HNRNPC: variants seen among roughly 807,000 people sequenced by gnomAD.
HNRNPC encodes the protein heterogeneous nuclear ribonucleoproteins C1/C2.
A neutral mutation model predicts 33.2 loss-of-function variants in HNRNPC; 3 were observed. That is an observed-to-expected ratio of 0.09 (90% CI 0.04 to 0.23). The LOEUF (loss-of-function observed/expected upper bound fraction) is 0.23, where lower values mean the gene tolerates loss of function less well. HNRNPC is among the 10% of genes least tolerant of loss of function. The pLI, the probability that HNRNPC is intolerant of heterozygous loss-of-function variation, is 1.00. For missense variants in HNRNPC, 143 were observed against 366.7 expected (o/e 0.39, Z 4.98); for synonymous variants, 121 against 126.7 (o/e 0.96, Z 0.30).
chr14:21,232,292 ACT>A (rs1218940961), intron 3 of HNRNPC, among the ~76,000 whole-genome samples: 4 of 152,126 alleles, frequency 2.6e-5, no homozygotes, highest in African/African-American at 9.7e-5. Context: ...TTTCATATAT[ACT>A]GCTTTTATTA....
intron 5 of HNRNPC, among the ~76,000 whole-genome samples, chr14:21,214,341 T>C (rs1891927496): frequency 6.6e-6 from 1 of 152,226 alleles, no homozygotes; most frequent in Non-Finnish European, 1.5e-5. Context: ...AATCTTCCTG[T>C]AGTGAAAACA....
chr14:21,235,994 T>C (rs913993256), intron 2 of HNRNPC, among the ~76,000 whole-genome samples: 7 of 152,132 alleles, frequency 4.6e-5, no homozygotes, highest in Non-Finnish European at 5.9e-5. Context: ...GGGGTACCCT[T>C]TGGAATAAGA....
chr14:21,211,599 C>A, intron 7 of HNRNPC, 33 bp from the exon 8 acceptor site: 1 of 1,583,732 alleles, frequency 6.3e-7, no homozygotes, highest in Non-Finnish European at 8.6e-7. Context: ...TGTCTAGGGG[C>A]AGTAATGTCC....
At chr14:21,229,440 T>C (rs921152402) in intron 5 of HNRNPC, among the ~76,000 whole-genome samples, 2 of 152,154 alleles carry the variant, frequency 1.3e-5, no homozygotes, top group African/African-American at 4.8e-5. Context: ...GATGCATTAA[T>C]GATGCTCAAC....
At chr14:21,268,387 A>G (rs1355597394) in intron 1 of HNRNPC, among the ~76,000 whole-genome samples, 6 of 152,218 alleles carry the variant, frequency 3.9e-5, no homozygotes, top group Admixed American at 6.5e-5. Context: ...ATTTTTCTTA[A>G]GCGCAATTTG....
intron 2 of HNRNPC, among the ~76,000 whole-genome samples, chr14:21,253,450 A>G (rs1407708519): frequency 7.9e-6 from 1 of 126,176 alleles, no homozygotes; most frequent in East Asian, 2.3e-4. Flanking sequence ...TCCAACCTCT[A>G]GACTCCATCT....
At chr14:21,214,456 AG>A (rs1206208586) in intron 5 of HNRNPC, among the ~76,000 whole-genome samples, 1 of 152,234 alleles carries the variant, frequency 6.6e-6, no homozygotes, top group African/African-American at 2.4e-5. Flanking sequence ...GGCTATGGAC[AG>A]GAACATTTTC....
chr14:21,263,398 A>C (rs974024488), intron 1 of HNRNPC, 62 bp from the exon 2 acceptor site: 6 of 152,546 alleles, frequency 3.9e-5, no homozygotes, highest in African/African-American at 1.4e-4. Flanking sequence ...AAAAATGTCA[A>C]GTCAGTAAAG....
At chr14:21,262,576 T>A (rs1425826663) in intron 2 of HNRNPC, 1 of 152,250 alleles carries the variant, frequency 6.6e-6, no homozygotes, top group Non-Finnish European at 1.5e-5. Context: ...TTGTAATGAA[T>A]CCAAGTGGAC....
At chr14:21,216,898 C>T (rs1007202199) in intron 5 of HNRNPC, among the ~76,000 whole-genome samples, 5 of 151,992 alleles carry the variant, frequency 3.3e-5, no homozygotes, top group South Asian at 2.1e-4. Flanking sequence ...AAATTGTGAC[C>T]GAAAACAATA....
At chr14:21,264,618 CA>C (rs1485565877) in intron 1 of HNRNPC, 2 of 152,156 alleles carry the variant, frequency 1.3e-5, no homozygotes, top group Non-Finnish European at 2.9e-5. Flanking sequence ...GTTGTTTCAT[CA>C]GCTAAAATAG....
chr14:21,231,539 C>T (rs984583660), intron 3 of HNRNPC: 4 of 384,890 alleles, frequency 1.0e-5, no homozygotes, highest in Non-Finnish European at 2.1e-5. Flanking sequence ...CTTGGGGTCA[C>T]GTGATCTGCC....
intron 1 of HNRNPC, 184 bp from the exon 2 acceptor site, chr14:21,263,520 A>C (rs1483234724): frequency 1.3e-5 from 2 of 152,148 alleles, no homozygotes; most frequent in African/African-American, 4.8e-5. Context: ...TTAAAAATAC[A>C]CGAGGAAGTA....
chr14:21,233,926 A>G, intron 3 of HNRNPC, 27 bp downstream of exon 3: 1 of 1,609,392 alleles, frequency 6.2e-7, no homozygotes, highest in Non-Finnish European at 8.5e-7. Context: ...GGCCTGAATT[A>G]CATCATCAAT....
Position 21,209,215 on chromosome 14 carries a change from A to T in HNRNPC, c.*2008T>A, listed in dbSNP as rs1891393691. 1 of 152,238 alleles carries T rather than the reference A, an allele frequency of 6.6e-6. No homozygotes were observed. Among genetic ancestry groups the T allele is most frequent in the Non-Finnish European group, 1.5e-5 (1 of 68,030 alleles). 9.4% of individuals were successfully genotyped at this position (152,238 alleles called of 1,614,324 possible). ...ATACAGGAGAATATGCATAGGTTACATATAAATACTATGCCATTTTATGTA... is the reference window on the plus strand; with the variant it reads ...ATACAGGAGAATATGCATAGGTTACTTATAAATACTATGCCATTTTATGTA... On this transcript the variant is annotated 3_prime_UTR_variant, in exon 9 of 9. Coordinates refer to ENST00000553300, the MANE Select transcript of HNRNPC (RefSeq NM_004500.4).
chr14:21,239,902 A>G (rs1895159112), intron 2 of HNRNPC, among the ~76,000 whole-genome samples: 1 of 152,158 alleles, frequency 6.6e-6, no homozygotes, highest in South Asian at 2.1e-4. Context: ...AAAAAGCGGA[A>G]AAATAGTGGT....
chr14:21,217,312 C>T (rs1047977682), intron 5 of HNRNPC, among the ~76,000 whole-genome samples: 1 of 152,150 alleles, frequency 6.6e-6, no homozygotes, highest in African/African-American at 2.4e-5. Context: ...TTTGCAAGTA[C>T]TTCACCACAA....
At chr14:21,246,840 G>A (rs543232879) in intron 2 of HNRNPC, among the ~76,000 whole-genome samples, 1 of 152,286 alleles carries the variant, frequency 6.6e-6, no homozygotes, top group Admixed American at 6.5e-5. Context: ...TATTCAATGT[G>A]AGGACAATGA....
intron 2 of HNRNPC, among the ~76,000 whole-genome samples, chr14:21,244,222 C>G (rs753778058): frequency 7.2e-5 from 11 of 152,186 alleles, no homozygotes; most frequent in Non-Finnish European, 1.6e-4. Context: ...TGGTCTCCAA[C>G]TCCTGACCTC....
Sources: gnomAD v4.1 joint callset for allele counts (sites outside exome capture counted in the v4.1 genomes callset) on GRCh38, gnomAD v4.1.1 for gene constraint, MANE v1.5 for transcripts, NCBI Gene and HGNC (gene_info 2026-07-23, HGNC 2026-07-21) for gene names.